Variants in NFAM1 observed in about 807,000 individuals in gnomAD.
NFAM1 encodes NFAT activating protein with ITAM motif 1.
NFAM1 carries 17 observed loss-of-function variants against 29.0 expected under a neutral mutation model. That is an observed-to-expected ratio of 0.59 (90% CI 0.40 to 0.88). The LOEUF (loss-of-function observed/expected upper bound fraction) is 0.88. NFAM1 is among the 40% of genes least tolerant of loss of function. The pLI is 0.00. For synonymous variants in NFAM1, 175 were observed against 147.2 expected, an observed-to-expected ratio of 1.19 and a Z score of -1.36; for missense variants, 324 against 344.6, an observed-to-expected ratio of 0.94 and a Z score of 0.47.
At chr22:42,398,382 T>TTTATTTTTA (rs1555969649) in intron 3 of NFAM1, among the ~76,000 whole-genome samples, 2 of 125,428 alleles carry the variant, frequency 1.6e-5, no homozygotes, top group South Asian at 5.3e-4. Context: ...CTTGGTTTTA[T>TTTATTTTTA]TTATTATTAT....
chr22:42,433,165 C>A (rs950095577), upstream of NFAM1, among the ~76,000 whole-genome samples: 2 of 152,174 alleles, frequency 1.3e-5, no homozygotes, highest in African/African-American at 4.8e-5. Context: ...ACCCCCTTCC[C>A]CAGCAGACTG....
At chr22:42,407,082 T>C (rs1402128096) in intron 3 of NFAM1, among the ~76,000 whole-genome samples, 2 of 124,314 alleles carry the variant, frequency 1.6e-5, no homozygotes, top group Admixed American at 7.7e-5. Flanking sequence ...GACCTTCCTC[T>C]TTTTTTTTTT....
At chr22:42,421,976 C>T (rs1930460135) in intron 1 of NFAM1, among the ~76,000 whole-genome samples, 1 of 152,216 alleles carries the variant, frequency 6.6e-6, no homozygotes, top group Non-Finnish European at 1.5e-5. Flanking sequence ...AGCGTGTGGC[C>T]AAGTGGCTGG....
At chr22:42,391,642 G>C (rs1172590333) in intron 4 of NFAM1, among the ~76,000 whole-genome samples, 1 of 151,990 alleles carries the variant, frequency 6.6e-6, no homozygotes, top group Admixed American at 6.6e-5. Flanking sequence ...GCACTCAGAG[G>C]GGTAAAAAGT....
In NFAM1 at chr22:42,388,726, G is replaced by C. The variant is rs1299447609; in HGVS notation, c.664-1648C>G. 6.6e-6 allele frequency among the ~76,000 whole-genome samples: 1 copy of C among 152,188 alleles called. No individual in the cohort carries two copies. Among genetic ancestry groups the C allele is most frequent in the African/African-American group, 2.4e-5 (1 of 41,430 alleles). ...CAAGTAATAAACCATTTGGCACTTG[G>C]GAGACCCTCACTTCAAGGGCATCAG... On this transcript the variant is annotated intron_variant, in intron 4 of 5. Transcript: ENST00000329021. The surrounding 1 kb of genome is among the most constrained non-coding windows in gnomAD (Gnocchi z 4.1).
intron 1 of NFAM1, among the ~76,000 whole-genome samples, chr22:42,420,104 C>T (rs1486538716): frequency 6.8e-6 from 1 of 146,894 alleles, no homozygotes; most frequent in Non-Finnish European, 1.5e-5. Context: ...TCCACCTCCC[C>T]GGTTCAAGCA....
chr22:42,387,599 G>A (rs1217621450), intron 4 of NFAM1, among the ~76,000 whole-genome samples: 2 of 140,772 alleles, frequency 1.4e-5, no homozygotes, highest in Admixed American at 7.5e-5. Flanking sequence ...TGTATTCAAG[G>A]ATAACCCAGG....
At chr22:42,410,047 G>A (rs1274509589) in intron 2 of NFAM1, among the ~76,000 whole-genome samples, 2 of 152,050 alleles carry the variant, frequency 1.3e-5, no homozygotes, top group South Asian at 2.1e-4. Flanking sequence ...CCATCCATCC[G>A]ACTGGCAAAA....
chr22:42,407,672 T>G (rs901335412), intron 3 of NFAM1, among the ~76,000 whole-genome samples: 3 of 152,130 alleles, frequency 2.0e-5, no homozygotes, highest in African/African-American at 7.2e-5. Context: ...CACTGCAGCT[T>G]TGACCTCCTG....
intron 1 of NFAM1, among the ~76,000 whole-genome samples, chr22:42,417,533 G>C (rs1930300884): frequency 6.6e-6 from 1 of 152,174 alleles, no homozygotes; most frequent in South Asian, 2.1e-4. Flanking sequence ...AGAGAGTTTA[G>C]GAGGATTTGA....
At chr22:42,389,438 T>C (rs2147090546) in intron 4 of NFAM1, among the ~76,000 whole-genome samples, 1 of 152,300 alleles carries the variant, frequency 6.6e-6, no homozygotes, top group East Asian at 1.9e-4. Context: ...TGCATTTATA[T>C]GCAGGGTATG....
At chr22:42,432,782 T>G (rs1270854893), upstream of NFAM1, among the ~76,000 whole-genome samples, 3 of 152,200 alleles carry the variant, frequency 2.0e-5, no homozygotes, top group African/African-American at 4.8e-5. Flanking sequence ...CTCTAAAATA[T>G]TCTGAGAATC....
intron 1 of NFAM1, among the ~76,000 whole-genome samples, chr22:42,426,528 T>C (rs531359671): frequency 3.9e-5 from 6 of 152,288 alleles, no homozygotes; most frequent in East Asian, 3.9e-4. Flanking sequence ...CAGCCCCTCC[T>C]CTGTGCTTGG....
rs1428159629 is a variant in NFAM1, at chr22:42,397,850, G to C, written c.663+8C>G. 1 of 1,584,812 alleles carries C rather than the reference G, an allele frequency of 6.3e-7. No individual in the cohort carries two copies. Among genetic ancestry groups the C allele is most frequent in the South Asian group, 1.1e-5 (1 of 90,556 alleles). ...GAGGTGGAGGGAGCCGGGGGCCCCG[G>C]GACTCACTGTGTAGACAGATTCTGA... On this transcript the variant is annotated splice_region_variant and intron_variant, in intron 4 of 5. Coordinates refer to ENST00000329021, the MANE Select transcript of NFAM1 (RefSeq NM_145912.8).
Position 42,419,110 on chromosome 22 carries a change from C to T in NFAM1, c.122-7374G>A, listed in dbSNP as rs1930352153. Among the ~76,000 whole-genome samples, 2 of 152,164 alleles carry T rather than the reference C, an allele frequency of 1.3e-5. No individual in the cohort carries two copies. The highest frequency in any genetic ancestry group is 4.1e-4 in the South Asian group (2 of 4,832). ...GCGGGGACCACATGCCGAGTGAGTC[C>T]CTGGCGGGGTGTGCCCCCACGTGTT... is the stretch of plus-strand genomic sequence containing the variant. On this transcript the variant is annotated intron_variant, in intron 1 of 5. Transcript: ENST00000329021. The surrounding 1 kb of genome is among the most constrained non-coding windows in gnomAD (Gnocchi z 4.5).
Position 42,405,977 on chromosome 22 carries a change from C to T in NFAM1, c.564+3458G>A, listed in dbSNP as rs1929884069. ...GCGCCAAGCTCATGCTTTTTTCGTA[C>T]CTCAGAGCCTTCTTGGAAAAGCGAT... is the stretch of plus-strand genomic sequence containing the variant. On this transcript the variant is annotated intron_variant, in intron 3 of 5. Coordinates refer to ENST00000329021, the MANE Select transcript of NFAM1 (RefSeq NM_145912.8). 2.0e-5 allele frequency among the ~76,000 whole-genome samples: 3 copies of T among 152,074 alleles called. No individual in the cohort carries two copies. The South Asian group carries it at 6.2e-4, about 31-fold the overall frequency.
chr22:42,398,887 G>A (rs977623068), intron 3 of NFAM1, among the ~76,000 whole-genome samples: 17 of 152,112 alleles, frequency 1.1e-4, no homozygotes, highest in African/African-American at 3.9e-4. Flanking sequence ...GGTGGGCACC[G>A]TCCCTACCCT....
At position 42,397,865 on chromosome 22, in the gene NFAM1, A is replaced by G; in HGVS notation, c.656T>C (p.Val219Ala). Reference sequence around the variant, plus strand: ...GGGGGCCCCGGGACTCACTGTGTAGACAGATTCTGAAGGATGCTGCTTGGG... The same window carrying G: ...GGGGGCCCCGGGACTCACTGTGTAGGCAGATTCTGAAGGATGCTGCTTGGG... Reference protein sequence around the residue: ...SSPKQHPSESVYTALQRRETE... With the variant: ...SSPKQHPSESAYTALQRRETE... The change falls in exon 4 of 6, where the codon GTC (valine) becomes GCC (alanine). Residue 219 changes from valine to alanine, a missense_variant. Val to Ala is a moderately conservative substitution (Grantham distance 64). Transcript: ENST00000329021. 6.2e-7 allele frequency: 1 copy of G among 1,609,244 alleles called. No homozygotes were observed. Among genetic ancestry groups the G allele is most frequent in the Non-Finnish European group, 8.5e-7 (1 of 1,175,682 alleles).
Position 42,395,881 on chromosome 22 carries a change from C to CAAA in NFAM1, c.663+1974_663+1976dup, listed in dbSNP as rs60278301. 1.7e-3 allele frequency among the ~76,000 whole-genome samples: 155 copies of CAAA among 93,764 alleles called. 2 individuals are homozygous for CAAA. The East Asian group carries it at 0.02, about 12-fold the overall frequency. 61.5% of individuals were successfully genotyped at this position (93,764 alleles called of 152,430 possible). ...CTGGGCGACAGAGCGAGACTCTGCT[C>CAAA]AAAAAAAAAAAAAAAAGAAAGAAAA... is the stretch of plus-strand genomic sequence containing the variant. On this transcript the variant is annotated intron_variant, in intron 4 of 5. Transcript: ENST00000329021.
Sources: allele counts gnomAD v4.1 joint callset (sites outside exome capture counted in the v4.1 genomes callset), GRCh38; gene constraint gnomAD v4.1.1; non-coding constraint Gnocchi (gnomAD v3.1); transcripts MANE v1.5; gene names NCBI Gene and HGNC (gene_info 2026-07-23, HGNC 2026-07-21).